Variants in COLEC12 observed in about 807,000 individuals in gnomAD.
COLEC12 encodes the protein collectin-12.
In COLEC12, 33 loss-of-function variants were observed where a neutral mutation model predicts 71.1. The ratio of observed to expected loss-of-function variants is 0.46; its 90% CI spans 0.35 to 0.62. The LOEUF is 0.62. Ranked by LOEUF, COLEC12 falls within the 20% of genes least tolerant of loss-of-function variation. The probability of loss-of-function intolerance (pLI) is 0.00; values close to 1 mark genes in which losing one functional copy is unlikely to be tolerated. For missense variants in COLEC12, 765 were observed against 916.1 expected, an observed-to-expected ratio of 0.84 and a Z score of 2.13; for synonymous variants, 350 against 353.0, an observed-to-expected ratio of 0.99 and a Z score of 0.10.
intron 8 of COLEC12, among the ~76,000 whole-genome samples, chr18:324,954 T>C (rs1292216844): frequency 6.6e-6 from 1 of 152,146 alleles, no homozygotes; most frequent in African/African-American, 2.4e-5. Flanking sequence ...TTCAGGAGGC[T>C]AAGGCAGGAG....
At chr18:470,458 CT>C (rs1567918002) in intron 2 of COLEC12, among the ~76,000 whole-genome samples, 1 of 151,778 alleles carries the variant, frequency 6.6e-6, no homozygotes, top group East Asian at 1.9e-4. Context: ...TGGTCTCAAA[CT>C]CCTGACCTCA....
At chr18:468,463 G>A (rs1197204503) in intron 2 of COLEC12, among the ~76,000 whole-genome samples, 1 of 152,078 alleles carries the variant, frequency 6.6e-6, no homozygotes, top group African/African-American at 2.4e-5. Flanking sequence ...GCTAGTTAAT[G>A]CATAGCAAAA....
At chr18:333,207 G>C in intron 6 of COLEC12, 64 bp from the exon 7 acceptor site, 1 of 1,450,810 alleles carries the variant, frequency 6.9e-7, no homozygotes, top group Non-Finnish European at 9.4e-7. Context: ...CCTTTCTTCA[G>C]CTGTGTTTCA....
intron 3 of COLEC12, among the ~76,000 whole-genome samples, chr18:355,334 G>A (rs1435522964): frequency 2.6e-5 from 4 of 152,070 alleles, no homozygotes; most frequent in Non-Finnish European, 5.9e-5. Flanking sequence ...GAGCTGCCAT[G>A]TGTCTACATG....
chr18:461,098 G>A (rs2143733989), intron 2 of COLEC12, among the ~76,000 whole-genome samples: 1 of 152,126 alleles, frequency 6.6e-6, no homozygotes, highest in South Asian at 2.1e-4. Context: ...CTAATAATCG[G>A]CTGAGTTTAC....
intron 2 of COLEC12, among the ~76,000 whole-genome samples, chr18:462,647 C>T (rs765450546): frequency 2.0e-5 from 3 of 152,186 alleles, no homozygotes; most frequent in Non-Finnish European, 4.4e-5. Flanking sequence ...TGAACTGGTA[C>T]ACCTTAAATG....
intron 2 of COLEC12, among the ~76,000 whole-genome samples, chr18:435,679 G>A (rs1916390090): frequency 6.6e-6 from 1 of 152,084 alleles, no homozygotes; most frequent in Non-Finnish European, 1.5e-5. Flanking sequence ...ATCCAGAGGT[G>A]GACAAAGCAT....
At chr18:424,176 C>T (rs1323336812) in intron 2 of COLEC12, 1 of 152,242 alleles carries the variant, frequency 6.6e-6, no homozygotes, top group Non-Finnish European at 1.5e-5. Flanking sequence ...AGGAGTGACC[C>T]TTCCGCCTTA....
intron 3 of COLEC12, among the ~76,000 whole-genome samples, chr18:351,257 C>T (rs1914514681): frequency 6.6e-6 from 1 of 151,820 alleles, no homozygotes; most frequent in Non-Finnish European, 1.5e-5. Context: ...TCACACGAGC[C>T]TTTCCATGTG....
Position 321,648 on chromosome 18 carries a change from C to T in COLEC12, c.2209+14G>A, listed in dbSNP as rs371962564. 2.5e-4 allele frequency: 406 copies of T among 1,614,134 alleles called. No individual in the cohort carries two copies. The highest frequency in any genetic ancestry group is 8.3e-4 in the Admixed American group (50 of 60,032). On this transcript the variant is annotated intron_variant, in intron 9 of 9. Coordinates refer to ENST00000400256, the MANE Select transcript of COLEC12 (RefSeq NM_130386.3). ...AAGCTGGCAGCTCCCTCTTAAATCC[C>T]ATCTACTGCTCACCTGTCTCCCTGT...
Position 346,595 on chromosome 18 carries a change from T to C in COLEC12, c.1027A>G (p.Ile343Val). The change falls in exon 5 of 10, where the codon ATT becomes GTT. Residue 343 changes from isoleucine (I) to valine (V), a missense_variant. Transcript: ENST00000400256. The surrounding 1 kb of genome is among the most constrained non-coding windows in gnomAD (Gnocchi z 4.0). Reference protein sequence around the residue: ...EERFQLFETDIVNIISNISYT... With the variant: ...EERFQLFETDVVNIISNISYT... Reference sequence around the variant, plus strand: ...CTGATATTGCTAATGATGTTCACAATATCCGTCTCAAAGAGCTGGAAGCGT... The same window carrying C: ...CTGATATTGCTAATGATGTTCACAACATCCGTCTCAAAGAGCTGGAAGCGT... The C allele has an allele frequency of 6.2e-7, 1 of 1,614,244 alleles. No homozygotes were observed.
chr18:320,503 T>TA (rs1913677538), intron 9 of COLEC12, among the ~76,000 whole-genome samples: 1 of 152,236 alleles, frequency 6.6e-6, no homozygotes, highest in African/African-American at 2.4e-5. Context: ...TGAATGGCAA[T>TA]ACGGATAATT....
intron 5 of COLEC12, among the ~76,000 whole-genome samples, chr18:337,250 C>T (rs1914140175): frequency 6.6e-6 from 1 of 152,176 alleles, no homozygotes; most frequent in Admixed American, 6.5e-5. Flanking sequence ...GATGGCAGAT[C>T]TACCCTAAGT....
At chr18:400,256 T>C (rs1377427491) in intron 2 of COLEC12, among the ~76,000 whole-genome samples, 1 of 152,156 alleles carries the variant, frequency 6.6e-6, no homozygotes, top group Non-Finnish European at 1.5e-5. Flanking sequence ...GTCCAACTCA[T>C]GCCAATTGTG....
rs1598322351 is a variant in COLEC12, at chr18:318,041, A to G, written c.*2004T>C. 6.8e-6 allele frequency: 1 copy of G among 147,932 alleles called. No homozygotes were observed. Among genetic ancestry groups the G allele is most frequent in the African/African-American group, 2.5e-5 (1 of 40,482 alleles). 9.2% of individuals were successfully genotyped at this position (147,932 alleles called of 1,614,324 possible). A position where few individuals can be genotyped will look rare whatever the true frequency, so the allele number is the denominator to read the frequency against. On this transcript the variant is annotated 3_prime_UTR_variant, in exon 10 of 10. Transcript: ENST00000400256. The stretch of plus-strand genomic sequence containing the variant: ...GCCCAGGCTGGAGTGCAGTGGCGCG[A>G]TCTCGGCTCACTGCAAGCTCCGCTT...
chr18:447,576 A>T (rs1040387791), intron 2 of COLEC12, among the ~76,000 whole-genome samples: 4 of 152,226 alleles, frequency 2.6e-5, no homozygotes, highest in African/African-American at 9.6e-5. Flanking sequence ...ACAGCAATCC[A>T]TAACCTGTGT....
Position 484,603 on chromosome 18 carries a change from G to C in COLEC12, c.8-3846C>G, listed in dbSNP as rs371772150. Among the ~76,000 whole-genome samples the C allele has an allele frequency of 1.3e-4, 20 of 152,276 alleles. 1 individual carries two copies. The highest frequency in any genetic ancestry group is 4.8e-4 in the African/African-American group (20 of 41,562). ...TTTTTGTTTTTTGGGGGCGAGGATAGAGATTGGAAAACACTGCATATTACA... is the reference window on the plus strand; with the variant it reads ...TTTTTGTTTTTTGGGGGCGAGGATACAGATTGGAAAACACTGCATATTACA... On this transcript the variant is annotated intron_variant, in intron 1 of 9. Transcript: ENST00000400256.
intron 2 of COLEC12, among the ~76,000 whole-genome samples, chr18:416,675 A>T (rs1369625151): frequency 6.6e-6 from 1 of 152,174 alleles, no homozygotes; most frequent in Non-Finnish European, 1.5e-5. Flanking sequence ...CTGCCACGGC[A>T]CAAACACTGT....
intron 2 of COLEC12, among the ~76,000 whole-genome samples, chr18:469,178 G>C (rs988999480): frequency 1.2e-4 from 18 of 152,220 alleles, no homozygotes; most frequent in African/African-American, 4.3e-4. Flanking sequence ...GGGGGCAGAG[G>C]GGCGTTCCCG....
Sources: gnomAD v4.1 joint callset for allele counts (sites outside exome capture counted in the v4.1 genomes callset) on GRCh38, gnomAD v4.1.1 for gene constraint, Gnocchi (gnomAD v3.1) non-coding constraint, MANE v1.5 for transcripts, NCBI Gene and HGNC (gene_info 2026-07-23, HGNC 2026-07-21) for gene names.